The following SYNE1 variants were observed in gnomAD, a reference collection of about 807,000 sequenced individuals.
SYNE1 encodes the protein spectrin repeat containing nuclear envelope protein 1.
In SYNE1, 616 loss-of-function variants were observed where a neutral mutation model predicts 1,111.0. The ratio of observed to expected loss-of-function variants is 0.55; its 90% CI spans 0.52 to 0.59. The LOEUF (loss-of-function observed/expected upper bound fraction) is 0.59. Among genes scored for constraint, SYNE1 ranks in the 20% least tolerant of loss-of-function variants. The probability of loss-of-function intolerance (pLI) is 0.00; values close to 1 mark genes in which losing one functional copy is unlikely to be tolerated. For missense variants in SYNE1, 10,006 were observed against 10,417.0 expected, an observed-to-expected ratio of 0.96 and a Z score of 1.72; for synonymous variants, 3,855 against 3,825.8, an observed-to-expected ratio of 1.01 and a Z score of -0.28.
chr6:152,491,460 C>A (rs992058951), intron 11 of SYNE1, among the ~76,000 whole-genome samples: 2 of 152,116 alleles, frequency 1.3e-5, no homozygotes, highest in African/African-American at 4.8e-5. Flanking sequence ...CCTCCATTCC[C>A]CCTTCTTCTC....
Position 152,316,863 on chromosome 6 carries a change from A to T in SYNE1, c.16696T>A (p.Tyr5566Asn). The T allele has an allele frequency of 6.2e-7, 1 of 1,614,122 alleles. No individual in the cohort carries two copies. The highest frequency in any genetic ancestry group is 8.5e-7 in the Non-Finnish European group (1 of 1,180,008). Residue 5566 changes from tyrosine to asparagine, a missense_variant, in exon 87 of 146, where the codon TAT (tyrosine) becomes AAT (asparagine). Coordinates refer to ENST00000367255, the MANE Select transcript of SYNE1 (RefSeq NM_182961.4). The part of the protein sequence containing the change: ...WNSASQLREQ[Y>N]ILHQTLLEES... ...CCTAAGGTTACCTGATGCAAAATATATTGTTCCCGAAGCTGGCTTGCAGAA... is the reference window on the plus strand; with the variant it reads ...CCTAAGGTTACCTGATGCAAAATATTTTGTTCCCGAAGCTGGCTTGCAGAA...
chr6:152,597,914 A>AT (rs1426845152), intron 3 of SYNE1, among the ~76,000 whole-genome samples: 2 of 152,018 alleles, frequency 1.3e-5, no homozygotes, highest in African/African-American at 2.4e-5. Flanking sequence ...ACATATTTTC[A>AT]TTTTTCTAAG....
intron 98 of SYNE1, chr6:152,277,779 C>T (rs1025653254): frequency 2.2e-6 from 1 of 444,646 alleles, no homozygotes; most frequent in African/African-American, 2.0e-5. Context: ...TACAGCAACA[C>T]TCCTGGAGTA....
At chr6:152,332,434 G>T (rs1422419902) in intron 77 of SYNE1, among the ~76,000 whole-genome samples, 1 of 152,192 alleles carries the variant, frequency 6.6e-6, no homozygotes, top group Non-Finnish European at 1.5e-5. Context: ...CTTCTTTCTG[G>T]CTGATAATGC....
chr6:152,501,491 T>C (rs1423281071), intron 10 of SYNE1, among the ~76,000 whole-genome samples: 1 of 152,092 alleles, frequency 6.6e-6, no homozygotes, highest in Non-Finnish European at 1.5e-5. Flanking sequence ...TCCCAGCACT[T>C]TGGGAGGCAG....
At chr6:152,536,446 A>AT (rs1336290060) in intron 4 of SYNE1, among the ~76,000 whole-genome samples, 1 of 103,334 alleles carries the variant, frequency 9.7e-6, no homozygotes, top group Non-Finnish European at 2.2e-5. Context: ...TATATATAGT[A>AT]ATATATATTT....
intron 34 of SYNE1, 58 bp from the exon 35 acceptor site, chr6:152,430,767 A>G: frequency 6.9e-7 from 1 of 1,450,106 alleles, no homozygotes; most frequent in Non-Finnish European, 9.7e-7. Context: ...CCTTCCTGAA[A>G]TGATACAATT....
intron 74 of SYNE1, among the ~76,000 whole-genome samples, chr6:152,339,878 G>T (rs1441792074): frequency 1.3e-5 from 2 of 152,106 alleles, no homozygotes; most frequent in African/African-American, 4.8e-5. Flanking sequence ...TTCTCCAGGT[G>T]GATCTTTAAT....
In SYNE1 at chr6:152,149,600, C is replaced by T. The variant is rs561127740; in HGVS notation, c.24519G>A (p.Leu8173=). 6 of 1,614,014 alleles carry T rather than the reference C, an allele frequency of 3.7e-6. No individual in the cohort carries two copies. In the African/African-American group the frequency reaches 8.0e-5, roughly 22 times the overall value. ...CATCCAAGGGCTCACTCTTTTCTAT[C>T]AGCTGTTCTCCTTGGGCAATTATCT... is the stretch of plus-strand genomic sequence containing the variant. The part of the protein sequence containing the change: ...IEQIIAQGEQ[L]IEKSEPLDAA... Residue 8173 remains leucine, a synonymous_variant, in exon 136 of 146, where the codon CTG becomes CTA. Transcript: ENST00000367255.
chr6:152,201,817 A>G lies in SYNE1; in HGVS notation c.23145+7T>C, dbSNP rs527361611. 2.0e-5 allele frequency: 33 copies of G among 1,613,898 alleles called. No homozygotes were observed. Among genetic ancestry groups the G allele is most frequent in the Non-Finnish European group, 2.5e-5 (30 of 1,179,812 alleles). On this transcript the variant is annotated splice_region_variant and intron_variant, in intron 127 of 145. Coordinates refer to ENST00000367255, the MANE Select transcript of SYNE1 (RefSeq NM_182961.4). ...GTGACGGTGAAAATCTCAGTTCAGT[A>G]ATTTACCTTGCAACGCATTTGTTCT...
intron 93 of SYNE1, among the ~76,000 whole-genome samples, chr6:152,299,126 G>C (rs1055238012): frequency 6.6e-6 from 1 of 152,116 alleles, no homozygotes; most frequent in African/African-American, 2.4e-5. Flanking sequence ...TGTATCCTTT[G>C]ACACTTTACA....
rs550037043 is a variant in SYNE1, at chr6:152,149,791, T to C, written c.24451-123A>G. ...CATGTAGGGGCTATTTAATTGACCA[T>C]ATACAATCACAAGACAAGAGTCTAT... On this transcript the variant is annotated intron_variant, in intron 135 of 145. Coordinates refer to ENST00000367255, the MANE Select transcript of SYNE1 (RefSeq NM_182961.4). 1.7e-5 allele frequency: 14 copies of C among 820,468 alleles called. No homozygotes were observed. In the East Asian group the frequency reaches 1.8e-4, roughly 11 times the overall value. 50.8% of individuals were successfully genotyped at this position (820,468 alleles called of 1,614,324 possible). A position where few individuals can be genotyped will look rare whatever the true frequency, so the allele number is the denominator to read the frequency against.
chr6:152,284,510 G>A lies in SYNE1; in HGVS notation c.18013-338C>T, dbSNP rs1056083195. 3.3e-5 allele frequency among the ~76,000 whole-genome samples: 5 copies of A among 151,712 alleles called. No homozygotes were observed. In the East Asian group the frequency reaches 9.7e-4, roughly 29 times the overall value. On this transcript the variant is annotated intron_variant, in intron 95 of 145. Transcript: ENST00000367255. ...GTCTCACTCTGTCACTCAGGCTGGA[G>A]TGCAGTGGTATGATCACAGCTCACT...
chr6:152,228,501 GA>G (rs917200497), intron 115 of SYNE1, among the ~76,000 whole-genome samples: 95 of 151,818 alleles, frequency 6.3e-4, no homozygotes, highest in African/African-American at 2.1e-3. Context: ...GAAAATGGCA[GA>G]AAAAGCTATG....
intron 142 of SYNE1, chr6:152,133,884 A>G (rs376676100): frequency 4.6e-4 from 83 of 181,680 alleles, no homozygotes; most frequent in African/African-American, 1.8e-3. Flanking sequence ...TCTGATATCT[A>G]GTCAAGATTT....
At chr6:152,442,725 T>C (rs1271415101) in intron 30 of SYNE1, among the ~76,000 whole-genome samples, 1 of 152,192 alleles carries the variant, frequency 6.6e-6, no homozygotes, top group Non-Finnish European at 1.5e-5. Flanking sequence ...GCTAGAGGAC[T>C]GTTTGGGGCC....
intron 117 of SYNE1, among the ~76,000 whole-genome samples, chr6:152,223,578 A>G (rs547620523): frequency 6.6e-6 from 1 of 151,276 alleles, no homozygotes; most frequent in Non-Finnish European, 1.5e-5. Flanking sequence ...AGATAGCACC[A>G]CTGCACTCCA....
chr6:152,281,717 C>A (rs2094038736), intron 97 of SYNE1, 90 bp downstream of exon 97: 3 of 1,396,716 alleles, frequency 2.1e-6, no homozygotes, highest in Admixed American at 1.8e-5. Flanking sequence ...AATCATATAT[C>A]CACACCAAGC....
chr6:152,395,632 A>T lies in SYNE1; in HGVS notation c.7596T>A (p.His2532Gln). The change falls in exon 51 of 146, where the codon CAT becomes CAA. Residue 2532 changes from histidine (H) to glutamine (Q), a missense_variant. Around this residue, in one of 7 missense-constraint regions of SYNE1, gnomAD observed 4,955 missense variants for 5,017.2 expected, o/e 0.99. Transcript: ENST00000367255. ...CCGTATTGAACCTTTCTTCCATTTC[A>T]TGGATCCATAAGTTCAGTTTTCTGT... ...DQHRKLNLWI[H>Q]EMEERFNTEN... 1 of 1,614,142 alleles carries T rather than the reference A, an allele frequency of 6.2e-7. No homozygotes were observed. The highest frequency in any genetic ancestry group is 1.6e-4 in the Middle Eastern group (1 of 6,062).
Sources: gnomAD v4.1 joint callset for allele counts (sites outside exome capture counted in the v4.1 genomes callset) on GRCh38, gnomAD v4.1.1 for gene constraint, gnomAD v4.1.1 regional missense constraint, MANE v1.5 for transcripts, NCBI Gene and HGNC (gene_info 2026-07-23, HGNC 2026-07-21) for gene names.